IL7: variants seen among roughly 807,000 people sequenced by gnomAD.
IL7 encodes interleukin-7.
A neutral mutation model predicts 21.6 loss-of-function variants in IL7; 3 were observed. The observed-to-expected ratio is 0.14, with a 90% CI of 0.06 to 0.36. The LOEUF is 0.36. Ranked by LOEUF, IL7 falls within the 10% of genes least tolerant of loss-of-function variation. The pLI is 1.00. For synonymous variants in IL7, 62 were observed against 68.1 expected, an observed-to-expected ratio of 0.91 and a Z score of 0.44; for missense variants, 175 against 200.2, an observed-to-expected ratio of 0.87 and a Z score of 0.76.
At chr8:78,729,906 G>A (rs1811395026), downstream of IL7, among the ~76,000 whole-genome samples, 1 of 151,970 alleles carries the variant, frequency 6.6e-6, no homozygotes, top group African/African-American at 2.4e-5. Flanking sequence ...AGAGATAACA[G>A]GTGGTAGGTT....
At chr8:78,711,611 GTT>G (rs2130603610) in intron 3 of IL7, among the ~76,000 whole-genome samples, 1 of 152,154 alleles carries the variant, frequency 6.6e-6, no homozygotes, top group Non-Finnish European at 1.5e-5. Context: ...AGTAGAGAAA[GTT>G]TCCATGAATT....
chr8:78,764,258 G>T (rs1486005425), intron 2 of IL7, among the ~76,000 whole-genome samples: 1 of 151,854 alleles, frequency 6.6e-6, no homozygotes, highest in Non-Finnish European at 1.5e-5. Flanking sequence ...TAAGAAATTT[G>T]TAGGTTTCCT....
intron 3 of IL7, among the ~76,000 whole-genome samples, chr8:78,705,804 T>C (rs1810755338): frequency 6.6e-6 from 1 of 151,814 alleles, no homozygotes; most frequent in Non-Finnish European, 1.5e-5. Flanking sequence ...AGTTGGGAGG[T>C]TCTTTCCAGT....
intron 2 of IL7, among the ~76,000 whole-genome samples, chr8:78,789,961 A>G (rs1586108621): frequency 6.6e-6 from 1 of 152,148 alleles, no homozygotes; most frequent in African/African-American, 2.4e-5. Context: ...GGGTAGAGAT[A>G]TCTACTAGAT....
rs138232475 is a variant in IL7, at chr8:78,707,061, C to T, written n.214+14287G>A. On this transcript the variant is annotated intron_variant and non_coding_transcript_variant, in intron 3 of 4. Coordinates refer to the IL7 transcript ENST00000523959. ...AACTGATCTGATTTATTTTCTTCTC[C>T]AATGAGTTGACTCATTGGATGATTA... 1.5e-4 allele frequency among the ~76,000 whole-genome samples: 23 copies of T among 152,204 alleles called. 1 individual carries two copies. The highest frequency in any genetic ancestry group is 4.1e-4 in the African/African-American group (17 of 41,522).
chr8:78,677,859 TCCA>T (rs1809632709), intron 4 of IL7, among the ~76,000 whole-genome samples: 2 of 152,218 alleles, frequency 1.3e-5, no homozygotes, highest in Non-Finnish European at 2.9e-5. Context: ...GAACGGGTAC[TCCA>T]TAGACAGAGC....
downstream of IL7, among the ~76,000 whole-genome samples, chr8:78,716,528 AAAAT>A (rs1258053908): frequency 8.5e-5 from 13 of 152,192 alleles, no homozygotes; most frequent in Non-Finnish European, 1.9e-4. Context: ...TAATAAAACT[AAAAT>A]AAATACTAGA....
chr8:78,730,234 G>A (rs936534620), downstream of IL7, among the ~76,000 whole-genome samples: 1 of 151,820 alleles, frequency 6.6e-6, no homozygotes, highest in Non-Finnish European at 1.5e-5. Flanking sequence ...TTATGTGAAG[G>A]ATGCAAATCA....
At chr8:78,721,363 G>C (rs1385240961) in exon 4 of IL7, 1 of 152,012 alleles carries the variant, frequency 6.6e-6, no homozygotes, top group African/African-American at 2.4e-5. Context: ...AGTGGAGAAA[G>C]GACAATTTGC....
chr8:78,680,942 A>G (rs1585985550), intron 4 of IL7, among the ~76,000 whole-genome samples: 1 of 152,342 alleles, frequency 6.6e-6, no homozygotes, highest in African/African-American at 2.4e-5. Context: ...CTGAAATTGT[A>G]TAAAAGTCAG....
At chr8:78,739,315 T>G (rs1811700491) in intron 3 of IL7, among the ~76,000 whole-genome samples, 1 of 152,104 alleles carries the variant, frequency 6.6e-6, no homozygotes, top group Non-Finnish European at 1.5e-5. Flanking sequence ...AAAGAAAAAT[T>G]TTCAAGACGC....
rs992555186 is a variant in IL7, at chr8:78,720,437, A to G, written n.476+583T>C. Among the ~76,000 whole-genome samples the G allele has an allele frequency of 2.0e-5, 3 of 151,824 alleles. No individual in the cohort carries two copies. The East Asian group carries it at 5.8e-4, about 29-fold the overall frequency. ...TTTTCATTTAGAAAAATTTCAGTTA[A>G]ATGTTACTCAATGCTCCTCATTTTA... On this transcript the variant is annotated intron_variant and non_coding_transcript_variant, in intron 5 of 6. Coordinates refer to the IL7 transcript ENST00000519833.
At chr8:78,689,264 A>G (rs1810128110) in intron 3 of IL7, 1 of 1,593,108 alleles carries the variant, frequency 6.3e-7, no homozygotes, top group Non-Finnish European at 8.5e-7. Flanking sequence ...TTCAATGAAA[A>G]TGCAGCTGAT....
At chr8:78,692,210 A>G (rs1275122655) in intron 3 of IL7, among the ~76,000 whole-genome samples, 2 of 152,142 alleles carry the variant, frequency 1.3e-5, no homozygotes, top group East Asian at 3.9e-4. Context: ...CCCTCCCTTT[A>G]GCCTCTGGTA....
chr8:78,723,376 A>G (rs903909492), intron 3 of IL7, among the ~76,000 whole-genome samples: 2 of 151,982 alleles, frequency 1.3e-5, no homozygotes, highest in African/African-American at 4.8e-5. Context: ...ACCTAATGGA[A>G]CTGGATCTAT....
chr8:78,682,563 A>G (rs1057143483), intron 4 of IL7, among the ~76,000 whole-genome samples: 10 of 152,150 alleles, frequency 6.6e-5, no homozygotes, highest in African/African-American at 2.2e-4. Context: ...CCGTGATTCA[A>G]TTACCTCCCA....
intron 2 of IL7, among the ~76,000 whole-genome samples, chr8:78,755,072 T>A (rs1002330047): frequency 6.6e-6 from 1 of 152,058 alleles, no homozygotes. Flanking sequence ...TTCCTAGCAC[T>A]ATTTATTAAA....
chr8:78,679,586 G>A (rs1394872096), intron 4 of IL7, among the ~76,000 whole-genome samples: 1 of 152,116 alleles, frequency 6.6e-6, no homozygotes, highest in African/African-American at 2.4e-5. Flanking sequence ...GGTAGTAAGG[G>A]CCAACTGTGT....
At chr8:78,697,682 C>CT (rs370060109) in intron 3 of IL7, among the ~76,000 whole-genome samples, 4,746 of 139,658 alleles carry the variant, frequency 0.034, 99 homozygotes, top group African/African-American at 0.063. Flanking sequence ...TACTTTTAAC[C>CT]TTTTTTTTTT....
Sources: allele counts gnomAD v4.1 joint callset (sites outside exome capture counted in the v4.1 genomes callset), GRCh38; gene constraint gnomAD v4.1.1; transcripts MANE v1.5; gene names NCBI Gene and HGNC (gene_info 2026-07-23, HGNC 2026-07-21).